The following TBC1D5 variants were observed in gnomAD, a reference collection of about 807,000 sequenced individuals.
TBC1D5 encodes TBC1 domain family member 5.
A neutral mutation model predicts 100.3 loss-of-function variants in TBC1D5; 75 were observed. The observed-to-expected ratio is 0.75, with a 90% CI of 0.62 to 0.91. TBC1D5 has a LOEUF of 0.91. Among genes scored for constraint, TBC1D5 ranks in the 40% least tolerant of loss-of-function variants. The pLI is 0.00. For synonymous variants in TBC1D5, 323 were observed against 325.6 expected (o/e 0.99, Z 0.09); for missense variants, 910 against 942.4 (o/e 0.97, Z 0.45).
intron 18 of TBC1D5, among the ~76,000 whole-genome samples, chr3:17,213,020 C>T (rs896481672): frequency 1.3e-5 from 2 of 152,176 alleles, no homozygotes; most frequent in African/African-American, 4.8e-5. Flanking sequence ...ACTGCTCACT[C>T]ACTCACTCGC....
chr3:17,305,606 C>T (rs2083322378), intron 14 of TBC1D5, among the ~76,000 whole-genome samples: 1 of 152,146 alleles, frequency 6.6e-6, no homozygotes, highest in South Asian at 2.1e-4. Context: ...GTTACAATTT[C>T]TTATAAATAT....
intron 16 of TBC1D5, among the ~76,000 whole-genome samples, chr3:17,256,526 A>G (rs1372995675): frequency 6.6e-6 from 1 of 151,430 alleles, no homozygotes; most frequent in Non-Finnish European, 1.5e-5. Context: ...ATGCAGGGAG[A>G]GAAGGCTAAA....
At chr3:17,643,959 C>T (rs1046438031) in intron 1 of TBC1D5, 1 of 152,082 alleles carries the variant, frequency 6.6e-6, no homozygotes, top group Admixed American at 6.6e-5. Flanking sequence ...ACCAAAACAA[C>T]GAGGATAGCA....
intron 2 of TBC1D5, among the ~76,000 whole-genome samples, chr3:17,615,458 G>A (rs1348014287): frequency 6.6e-6 from 1 of 152,200 alleles, no homozygotes; most frequent in Non-Finnish European, 1.5e-5. Flanking sequence ...CAGAAGGAAT[G>A]GTACCAGCTC....
intron 3 of TBC1D5, among the ~76,000 whole-genome samples, chr3:17,481,966 C>T (rs1243388764): frequency 1.3e-5 from 2 of 152,358 alleles, no homozygotes; most frequent in South Asian, 2.1e-4. Context: ...GTCTCGAACT[C>T]CTGACCTCAG....
rs555073144 is a variant in TBC1D5, at chr3:17,718,036, G to A, written c.-101+21307C>T. Reference sequence around the variant, plus strand: ...CCTCTTCTCCGTACTGAAGTACGAAGTCAATAAGACAAGATAGGAAGGGGA... The same window carrying A: ...CCTCTTCTCCGTACTGAAGTACGAAATCAATAAGACAAGATAGGAAGGGGA... On this transcript the variant is annotated intron_variant, in intron 1 of 21. Coordinates refer to ENST00000253692, the Ensembl canonical transcript of TBC1D5. Among the ~76,000 whole-genome samples the A allele has an allele frequency of 2.0e-5, 3 of 152,234 alleles. No individual in the cohort carries two copies. In the East Asian group the frequency reaches 5.8e-4, roughly 29 times the overall value.
At chr3:17,726,297 C>A (rs2076124383) in intron 1 of TBC1D5, among the ~76,000 whole-genome samples, 1 of 152,178 alleles carries the variant, frequency 6.6e-6, no homozygotes, top group Non-Finnish European at 1.5e-5. Flanking sequence ...ACTACTTTTC[C>A]ACAATGGCTA....
intron 2 of TBC1D5, among the ~76,000 whole-genome samples, chr3:17,524,875 A>AATAC (rs1293212008): frequency 6.6e-6 from 1 of 152,036 alleles, no homozygotes; most frequent in African/African-American, 2.4e-5. Flanking sequence ...TAAACAAATA[A>AATAC]ATACATACAT....
chr3:17,731,875 GA>G (rs1325619311), intron 1 of TBC1D5, among the ~76,000 whole-genome samples: 2 of 152,118 alleles, frequency 1.3e-5, no homozygotes, highest in Non-Finnish European at 2.9e-5. Flanking sequence ...CACTTGTAAA[GA>G]TTTTTTGTAA....
chr3:17,369,502 G>A (rs1210633438), intron 13 of TBC1D5, among the ~76,000 whole-genome samples: 1 of 151,988 alleles, frequency 6.6e-6, no homozygotes, highest in East Asian at 1.9e-4. Context: ...TTTCATTTCA[G>A]AGCCTATGCT....
intron 1 of TBC1D5, among the ~76,000 whole-genome samples, chr3:17,714,901 A>AC (rs992027723): frequency 1.3e-5 from 2 of 152,168 alleles, no homozygotes; most frequent in African/African-American, 4.8e-5. Flanking sequence ...ACATTACAGG[A>AC]TCCTTCAGGA....
At chr3:17,580,022 G>A (rs116207575) in intron 2 of TBC1D5, among the ~76,000 whole-genome samples, 2,897 of 152,122 alleles carry the variant, frequency 0.019, 37 homozygotes, top group Middle Eastern at 0.031. Context: ...CTTGGCATCC[G>A]TAGATTTTTT....
chr3:17,360,853 G>A (rs987823464), intron 13 of TBC1D5, among the ~76,000 whole-genome samples: 4 of 151,854 alleles, frequency 2.6e-5, no homozygotes, highest in Non-Finnish European at 5.9e-5. Context: ...CAAATATGTT[G>A]AATAAATATG....
chr3:17,288,046 T>C (rs2081340643), intron 15 of TBC1D5, among the ~76,000 whole-genome samples: 1 of 152,240 alleles, frequency 6.6e-6, no homozygotes. Flanking sequence ...CAGGAATGAT[T>C]ACAGTATTTT....
chr3:17,439,772 T>TAG, intron 3 of TBC1D5, among the ~76,000 whole-genome samples: 1 of 152,200 alleles, frequency 6.6e-6, no homozygotes, highest in East Asian at 1.9e-4. Flanking sequence ...ATCTGATAAC[T>TAG]AGAAATATGT....
intron 18 of TBC1D5, among the ~76,000 whole-genome samples, chr3:17,194,599 A>C (rs997858000): frequency 1.3e-5 from 2 of 152,238 alleles, no homozygotes; most frequent in Admixed American, 1.3e-4. Context: ...TCAGAGAATA[A>C]AAGATGCTTT....
chr3:17,651,568 G>A (rs935055590), intron 1 of TBC1D5, among the ~76,000 whole-genome samples: 3 of 152,170 alleles, frequency 2.0e-5, no homozygotes, highest in Middle Eastern at 3.4e-3. Flanking sequence ...AAACTTCGTC[G>A]GGCATGCGCC....
chr3:17,338,345 A>G (rs1054750860), intron 13 of TBC1D5: 3 of 152,240 alleles, frequency 2.0e-5, no homozygotes, highest in Non-Finnish European at 4.4e-5. Context: ...ATGGAATTCA[A>G]AACTATGACT....
At chr3:17,323,484 A>G (rs560043946) in intron 13 of TBC1D5, among the ~76,000 whole-genome samples, 1 of 151,860 alleles carries the variant, frequency 6.6e-6, no homozygotes, top group South Asian at 2.1e-4. Flanking sequence ...TACAAAAACA[A>G]AACACTATTT....
Sources: allele counts gnomAD v4.1 joint callset (sites outside exome capture counted in the v4.1 genomes callset), GRCh38; gene constraint gnomAD v4.1.1; transcripts MANE v1.5; gene names NCBI Gene and HGNC (gene_info 2026-07-23, HGNC 2026-07-21).